MBTD1: variants seen among roughly 807,000 people sequenced by gnomAD.
MBTD1 encodes mbt domain containing 1.
MBTD1 carries 24 observed loss-of-function variants against 87.8 expected under a neutral mutation model. The observed-to-expected ratio is 0.27, with a 90% confidence interval of 0.20 to 0.38. MBTD1 has a LOEUF of 0.38. Ranked by LOEUF, MBTD1 falls within the 10% of genes least tolerant of loss-of-function variation. MBTD1 has a pLI of 1.00. For synonymous variants in MBTD1, 237 were observed against 248.6 expected (o/e 0.95, Z 0.44); for missense variants, 436 against 760.2 (o/e 0.57, Z 5.02).
rs1291027860 is a variant in MBTD1 at position 51,206,865 on chromosome 17, A to G, written c.604+23T>C. 19 of 1,450,486 alleles carry G rather than the reference A, an allele frequency of 1.3e-5. No individual in the cohort carries two copies. The East Asian group carries it at 2.0e-4, about 16-fold the overall frequency. The allele number at this position is 1,450,486 out of a possible 1,614,324, so 89.9% of individuals were successfully genotyped here. A position where few individuals can be genotyped will look rare whatever the true frequency, so the allele number is the denominator to read the frequency against. On this transcript the variant is annotated intron_variant, in intron 7 of 16. Coordinates refer to ENST00000586178, the MANE Select transcript of MBTD1 (RefSeq NM_017643.3). ...TACAAGGATCTCTGCATTTTCTACT[A>G]AACTATTATTCATGCTTTTCACCTG...
intron 2 of MBTD1, among the ~76,000 whole-genome samples, chr17:51,246,440 T>C (rs2054440242): frequency 6.6e-6 from 1 of 152,212 alleles, no homozygotes; most frequent in Admixed American, 6.5e-5. Context: ...AATCTATGTT[T>C]TGTTGTTGCT....
chr17:51,233,060 C>CAAAAAA (rs11457634), intron 2 of MBTD1, among the ~76,000 whole-genome samples: 19 of 40,506 alleles, frequency 4.7e-4, no homozygotes, highest in South Asian at 1.9e-3. Flanking sequence ...CTTCCCTCAC[C>CAAAAAA]AAAAAAAAAA....
intron 6 of MBTD1, among the ~76,000 whole-genome samples, chr17:51,207,783 A>C (rs1362910559): frequency 6.6e-6 from 1 of 152,200 alleles, no homozygotes; most frequent in Non-Finnish European, 1.5e-5. Flanking sequence ...ATTATATTTT[A>C]ATCTTTAAAA....
chr17:51,204,255 T>G (rs889649108), intron 7 of MBTD1, among the ~76,000 whole-genome samples: 7 of 152,044 alleles, frequency 4.6e-5, no homozygotes, highest in Non-Finnish European at 7.4e-5. Flanking sequence ...TACCCATAAT[T>G]TCTTTTTCTT....
chr17:51,195,952 G>A (rs550344147), intron 12 of MBTD1, among the ~76,000 whole-genome samples: 1 of 152,324 alleles, frequency 6.6e-6, no homozygotes, highest in East Asian at 1.9e-4. Flanking sequence ...CTGTCACTCA[G>A]GCTGGAGTGC....
chr17:51,235,528 A>G (rs2053782832), intron 2 of MBTD1, among the ~76,000 whole-genome samples: 1 of 152,266 alleles, frequency 6.6e-6, no homozygotes, highest in South Asian at 2.1e-4. Flanking sequence ...CCTTCCAGGA[A>G]TGTAAAACTA....
At chr17:51,203,069 T>C (rs918384317) in intron 9 of MBTD1, 71 bp downstream of exon 9, 9 of 1,342,604 alleles carry the variant, frequency 6.7e-6, no homozygotes, top group Non-Finnish European at 9.5e-6. Context: ...ATTAAACCAA[T>C]TCCTTAAAAA....
chr17:51,197,689 T>G (rs2051217769), intron 12 of MBTD1, among the ~76,000 whole-genome samples: 1 of 151,936 alleles, frequency 6.6e-6, no homozygotes. Flanking sequence ...AGAGACAGTG[T>G]TTTGCCCTAT....
intron 3 of MBTD1, 89 bp downstream of exon 3, chr17:51,224,919 C>G (rs940686766): frequency 2.0e-5 from 16 of 780,690 alleles, no homozygotes; most frequent in Non-Finnish European, 2.7e-5. Context: ...CTTAATAATT[C>G]TAAGGAAGGG....
chr17:51,253,617 C>T (rs2054921181), intron 2 of MBTD1, among the ~76,000 whole-genome samples: 1 of 152,066 alleles, frequency 6.6e-6, no homozygotes, highest in Non-Finnish European at 1.5e-5. Flanking sequence ...AGTAGCTAAA[C>T]TTTTAGCAGG....
chr17:51,211,794 C>A (rs9915099), intron 6 of MBTD1, among the ~76,000 whole-genome samples: 92,303 of 150,182 alleles, frequency 0.61, 28,759 homozygotes, highest in African/African-American at 0.72. Flanking sequence ...AAAAAAAAAA[C>A]CAAAAATGAC....
chr17:51,240,815 T>C (rs2054120600), intron 2 of MBTD1, among the ~76,000 whole-genome samples: 1 of 152,188 alleles, frequency 6.6e-6, no homozygotes, highest in Non-Finnish European at 1.5e-5. Context: ...GTATTTGGAA[T>C]TCTTCTGTAT....
At chr17:51,232,963 G>C (rs910331867) in intron 2 of MBTD1, among the ~76,000 whole-genome samples, 1 of 146,812 alleles carries the variant, frequency 6.8e-6, no homozygotes, top group African/African-American at 2.5e-5. Flanking sequence ...GAGATGAGAG[G>C]ATCACTTGAG....
chr17:51,246,350 T>C (rs555189720), intron 2 of MBTD1, among the ~76,000 whole-genome samples: 3 of 152,352 alleles, frequency 2.0e-5, no homozygotes, highest in African/African-American at 7.2e-5. Flanking sequence ...TATGTGGTTA[T>C]CTGTGGTGTC....
At chr17:51,206,004 T>C (rs1358487082) in intron 7 of MBTD1, among the ~76,000 whole-genome samples, 3 of 152,170 alleles carry the variant, frequency 2.0e-5, no homozygotes. Context: ...CCTACTACAC[T>C]ACTCACTGAG....
chr17:51,199,093 G>C (rs1438099394), intron 12 of MBTD1, among the ~76,000 whole-genome samples: 2 of 151,946 alleles, frequency 1.3e-5, no homozygotes, highest in Admixed American at 1.3e-4. Context: ...ACTGCACGCA[G>C]TCTTTATTTT....
At chr17:51,202,985 A>C in intron 9 of MBTD1, 50 bp from the exon 10 acceptor site, 1 of 1,470,642 alleles carries the variant, frequency 6.8e-7, no homozygotes, top group Non-Finnish European at 9.5e-7. Context: ...AAAGGTCTAC[A>C]AGAAATTTTT....
rs546615981 is a variant in MBTD1 at position 51,221,367 on chromosome 17, A to C, written c.155-904T>G. Among the ~76,000 whole-genome samples, 3 of 152,330 alleles carry C rather than the reference A, an allele frequency of 2.0e-5. No individual in the cohort carries two copies. In the East Asian group the frequency reaches 5.8e-4, roughly 29 times the overall value. On this transcript the variant is annotated intron_variant, in intron 3 of 16. Transcript: ENST00000586178. The stretch of plus-strand genomic sequence containing the variant: ...AGTTTGACGTAGGTGCTCTATTATT[A>C]ATCAGTGATAGTGGGAAACAGCAGA...
intron 2 of MBTD1, among the ~76,000 whole-genome samples, chr17:51,247,176 T>C (rs2054488698): frequency 6.6e-6 from 1 of 152,192 alleles, no homozygotes. Context: ...GAACAGGTGT[T>C]GAATTTTGTC....
Sources: gnomAD v4.1 joint callset for allele counts (sites outside exome capture counted in the v4.1 genomes callset) on GRCh38, gnomAD v4.1.1 for gene constraint, MANE v1.5 for transcripts, NCBI Gene and HGNC (gene_info 2026-07-23, HGNC 2026-07-21) for gene names.